The following ANP32E variants were observed in gnomAD, a reference collection of about 807,000 sequenced individuals.
ANP32E encodes acidic nuclear phosphoprotein 32 family member E.
ANP32E carries 14 observed loss-of-function variants against 35.3 expected under a neutral mutation model. That is an observed-to-expected ratio of 0.40 (90% confidence interval 0.26 to 0.62). The LOEUF (loss-of-function observed/expected upper bound fraction) is 0.62. ANP32E is among the 20% of genes least tolerant of loss of function. ANP32E has a pLI of 0.45. For missense variants in ANP32E, 198 were observed against 304.4 expected (o/e 0.65, Z 2.60); for synonymous variants, 89 against 110.4 (o/e 0.81, Z 1.22).
chr1:150,224,127 A>G (rs1011179413), intron 5 of ANP32E, among the ~76,000 whole-genome samples: 5 of 152,216 alleles, frequency 3.3e-5, no homozygotes, highest in Non-Finnish European at 7.3e-5. Context: ...CCAGTAAGCT[A>G]TAAGGAGCGA....
Position 150,233,431 on chromosome 1 carries a change from G to A in ANP32E, c.55-1505C>T, listed in dbSNP as rs191910838. On this transcript the variant is annotated intron_variant, in intron 1 of 6. Transcript: ENST00000583931. The stretch of plus-strand genomic sequence containing the variant: ...AGCTCTTCTGGGAACAGCCCAGAGG[G>A]TGTTATTGGTTCTCACATCCAGGCC... Among the ~76,000 whole-genome samples the A allele has an allele frequency of 2.7e-3, 410 of 152,228 alleles. 3 individuals carry two copies. Among genetic ancestry groups the A allele is most frequent in the African/African-American group, 9.4e-3 (391 of 41,522 alleles).
intron 1 of ANP32E, among the ~76,000 whole-genome samples, chr1:150,234,175 A>G (rs1272754672): frequency 1.3e-5 from 2 of 152,142 alleles, no homozygotes; most frequent in African/African-American, 4.8e-5. Flanking sequence ...AAATTACTAC[A>G]ATCACTAAGT....
In ANP32E at chr1:150,235,330, C is replaced by T. The variant is rs1410853809; in HGVS notation, c.54+403G>A. Among the ~76,000 whole-genome samples, 1 of 152,240 alleles carries T rather than the reference C, an allele frequency of 6.6e-6. No homozygotes were observed. The highest frequency in any genetic ancestry group is 1.5e-5 in the Non-Finnish European group (1 of 68,040). On this transcript the variant is annotated intron_variant, in intron 1 of 6. Coordinates refer to ENST00000583931, the MANE Select transcript of ANP32E (RefSeq NM_030920.5). This position sits in a 1 kb window ranked among gnomAD's most constrained non-coding sequence, Gnocchi z 4.2. Reference sequence around the variant, plus strand: ...CCGCACTGCAGAAAAGTTGGACTAACTTCTCAGGCGCCTATGGCTGCGGCA... The same window carrying T: ...CCGCACTGCAGAAAAGTTGGACTAATTTCTCAGGCGCCTATGGCTGCGGCA...
chr1:150,223,971 C>T (rs1195840343), intron 5 of ANP32E, among the ~76,000 whole-genome samples: 1 of 151,894 alleles, frequency 6.6e-6, no homozygotes. Flanking sequence ...TCTCAAACTC[C>T]CGACCTCAAG....
chr1:150,219,661 T>C lies in ANP32E; in HGVS notation c.*1030A>G, dbSNP rs964275576. On this transcript the variant is annotated 3_prime_UTR_variant, in exon 7 of 7. Coordinates refer to ENST00000583931, the MANE Select transcript of ANP32E (RefSeq NM_030920.5). ...AAGCACCCCTGCTTTTCTTTCTTCA[T>C]CCCACTAATATTGTCTTAGATGTTG... 6.6e-6 allele frequency: 1 copy of C among 152,170 alleles called. No individual in the cohort carries two copies. The highest frequency in any genetic ancestry group is 1.5e-5 in the Non-Finnish European group (1 of 68,020). The allele number at this position is 152,170 out of a possible 1,614,324, so 9.4% of individuals were successfully genotyped here.
intron 5 of ANP32E, among the ~76,000 whole-genome samples, chr1:150,224,271 T>C (rs1326304839): frequency 6.6e-6 from 1 of 152,042 alleles, no homozygotes; most frequent in Non-Finnish European, 1.5e-5. Context: ...CAGAATTTGT[T>C]CATTAAAAAA....
intron 4 of ANP32E, among the ~76,000 whole-genome samples, chr1:150,228,444 C>A (rs1364935285): frequency 6.6e-6 from 1 of 152,180 alleles, no homozygotes; most frequent in African/African-American, 2.4e-5. Flanking sequence ...GTAATCCCAG[C>A]ACTTTAGGAG....
At chr1:150,226,564 G>A in intron 5 of ANP32E, 44 bp downstream of exon 5, 1 of 1,602,756 alleles carries the variant, frequency 6.2e-7, no homozygotes, top group Admixed American at 1.8e-5. Context: ...TTACTCCTAT[G>A]CCTAGAAATT....
In ANP32E at chr1:150,226,666, TC is replaced by T; in HGVS notation, c.622del (p.Glu208SerfsTer14). ...EDEDEDEAGS[E>X]LGEGEEEVGL... Reference sequence around the variant, plus strand: ...CACTTCCTCTTCTCCCTCTCCCAACTCTGAACCTGCTTCATCTTCATCTTCA... The same window carrying T: ...CACTTCCTCTTCTCCCTCTCCCAACTTGAACCTGCTTCATCTTCATCTTCA... On this transcript the variant is annotated frameshift_variant, in exon 5 of 7. Transcript: ENST00000583931. LOFTEE classifies it high-confidence loss of function. The T allele has an allele frequency of 1.2e-6, 2 of 1,611,028 alleles. No individual in the cohort carries two copies. The highest frequency in any genetic ancestry group is 1.7e-6 in the Non-Finnish European group (2 of 1,177,520).
chr1:150,224,428 GC>G (rs1327595817), intron 5 of ANP32E, among the ~76,000 whole-genome samples: 2 of 151,920 alleles, frequency 1.3e-5, no homozygotes, highest in African/African-American at 4.8e-5. Context: ...CAAAAAATTA[GC>G]CAGGTGTGGT....
intron 5 of ANP32E, 171 bp from the exon 6 acceptor site, chr1:150,223,411 T>G (rs1648595481): frequency 2.5e-6 from 2 of 814,848 alleles, no homozygotes; most frequent in South Asian, 1.9e-5. Flanking sequence ...CCGGGCGCGG[T>G]GGCTCACGCC....
chr1:150,228,848 TCA>T (rs1649100262), intron 4 of ANP32E, among the ~76,000 whole-genome samples: 1 of 152,198 alleles, frequency 6.6e-6, no homozygotes, highest in Non-Finnish European at 1.5e-5. Flanking sequence ...ATATAAAATT[TCA>T]CAGAGCTTCA....
chr1:150,233,264 C>CAAAAAAAAAAAAAA (rs60732970), intron 1 of ANP32E, among the ~76,000 whole-genome samples: 1 of 86,426 alleles, frequency 1.2e-5, no homozygotes. Context: ...GACTCTATCT[C>CAAAAAAAAAAAAAA]AAAAAAAAAA....
intron 1 of ANP32E, 152 bp from the exon 2 acceptor site, chr1:150,232,078 C>T: frequency 1.4e-6 from 1 of 731,100 alleles, no homozygotes; most frequent in Non-Finnish European, 2.1e-6. Context: ...GGCGCGGTGG[C>T]TCACGCCTGT....
chr1:150,218,729 G>GCA lies in ANP32E; in HGVS notation c.*1960_*1961dup. On this transcript the variant is annotated 3_prime_UTR_variant, in exon 7 of 7. Coordinates refer to ENST00000583931, the MANE Select transcript of ANP32E (RefSeq NM_030920.5). ...ATATAAAACCCACCCTTACTTATTTGCATGAAAATACCACCCACAAAGCTA... is the reference window on the plus strand; with the variant it reads ...ATATAAAACCCACCCTTACTTATTTGCACATGAAAATACCACCCACAAAGCTA... 6.6e-6 allele frequency: 1 copy of GCA among 152,498 alleles called. No individual in the cohort carries two copies. The highest frequency in any genetic ancestry group is 6.6e-5 in the Admixed American group (1 of 15,258). The allele number at this position is 152,498 out of a possible 1,614,324, so 9.4% of individuals were successfully genotyped here. A position where few individuals can be genotyped will look rare whatever the true frequency, so the allele number is the denominator to read the frequency against.
At chr1:150,224,236 G>A (rs1231061397) in intron 5 of ANP32E, among the ~76,000 whole-genome samples, 2 of 152,102 alleles carry the variant, frequency 1.3e-5, no homozygotes, top group Admixed American at 6.6e-5. Context: ...GAAAAAAAGG[G>A]GAAGACTGAA....
In ANP32E at chr1:150,229,100, C is replaced by A. The variant is rs587742318; in HGVS notation, c.465G>T (p.Ala155=). 1 of 1,613,122 alleles carries A rather than the reference C, an allele frequency of 6.2e-7. No individual in the cohort carries two copies. The highest frequency in any genetic ancestry group is 1.3e-5 in the African/African-American group (1 of 74,882). The part of the protein sequence containing the change: ...LDGFDQEDNE[A]PDSEEEDDED... ...CATCATCCTCCTCTTCAGAGTCCGG[C>A]GCTTCATTATCCTCCTGATCAAATC... The change falls in exon 4 of 7, where the codon GCG becomes GCT. Residue 155 remains alanine, a synonymous_variant. Transcript: ENST00000583931.
rs1553841820 is a variant in ANP32E at position 150,231,878 on chromosome 1, C to T, written c.103G>A (p.Glu35Lys). 1 of 1,612,916 alleles carries T rather than the reference C, an allele frequency of 6.2e-7. No individual in the cohort carries two copies. Among genetic ancestry groups the T allele is most frequent in the Admixed American group, 1.7e-5 (1 of 59,680 alleles). Residue 35 changes from glutamate to lysine, a missense_variant, in exon 2 of 7, where the codon GAA (glutamate) becomes AAA (lysine). Glu to Lys is a moderately conservative substitution (Grantham distance 56). Around this residue, in one of 4 missense-constraint regions of ANP32E, gnomAD observed 35 missense variants for 47.6 expected, o/e 0.74. Coordinates refer to ENST00000583931, the MANE Select transcript of ANP32E (RefSeq NM_030920.5). ...TCTTTGAAAGTATCATTCAGGCCTT[C>T]AATTTCCCCATTGACACACAGGCAA... is the stretch of plus-strand genomic sequence containing the variant. ...DNCLCVNGEI[E>K]GLNDTFKELE... is the part of the protein sequence containing the mutation.
chr1:150,233,082 T>C (rs1044210386), intron 1 of ANP32E, among the ~76,000 whole-genome samples: 15 of 151,576 alleles, frequency 9.9e-5, no homozygotes, highest in African/African-American at 3.6e-4. Flanking sequence ...CTGGCCAACA[T>C]AGTGAAACCC....
Sources: allele counts gnomAD v4.1 joint callset (sites outside exome capture counted in the v4.1 genomes callset), GRCh38; gene constraint gnomAD v4.1.1; regional missense constraint gnomAD v4.1.1; non-coding constraint Gnocchi (gnomAD v3.1); transcripts MANE v1.5; gene names NCBI Gene and HGNC (gene_info 2026-07-23, HGNC 2026-07-21).